CAND2: variants seen among roughly 807,000 people sequenced by gnomAD.
CAND2 encodes cullin associated and neddylation dissociated 2 (putative).
A neutral mutation model predicts 98.9 loss-of-function variants in CAND2; 62 were observed. The observed-to-expected ratio is 0.63, with a 90% CI of 0.51 to 0.77. The LOEUF (loss-of-function observed/expected upper bound fraction) is 0.77. CAND2 is among the 30% of genes least tolerant of loss of function. CAND2 has a pLI of 0.00. For missense variants in CAND2, 1,501 were observed against 1,655.2 expected (o/e 0.91, Z 1.62); for synonymous variants, 770 against 731.9 (o/e 1.05, Z -0.84).
chr3:12,813,829 G>A (rs2061874656), intron 7 of CAND2, among the ~76,000 whole-genome samples: 1 of 152,182 alleles, frequency 6.6e-6, no homozygotes, highest in Non-Finnish European at 1.5e-5. Flanking sequence ...TGGTGGAATG[G>A]CAGGCACTGG....
chr3:12,823,968 T>TAACTTC (rs58148468), intron 11 of CAND2, among the ~76,000 whole-genome samples: 1 of 151,448 alleles, frequency 6.6e-6, no homozygotes, highest in Non-Finnish European at 1.5e-5. Context: ...CCCCCATCCT[T>TAACTTC]ATTTCTTTAT....
chr3:12,815,839 G>C lies in CAND2; in HGVS notation c.1300-28G>C, dbSNP rs775598749. On this transcript the variant is annotated intron_variant, in intron 8 of 14. Coordinates refer to ENST00000456430, the MANE Select transcript of CAND2 (RefSeq NM_001162499.2). This position sits in a 1 kb window ranked among gnomAD's most constrained non-coding sequence, Gnocchi z 5.7. ...TGGGTAGGTTTCTTGGGTGTTCCCT[G>C]ACCTTGACTTCCCCCTCCTGCCCAC... 3.7e-6 allele frequency: 6 copies of C among 1,605,828 alleles called. No individual in the cohort carries two copies. The highest frequency in any genetic ancestry group is 4.3e-6 in the Non-Finnish European group (5 of 1,174,588).
At chr3:12,830,516 T>C (rs1052260490) in intron 13 of CAND2, among the ~76,000 whole-genome samples, 2 of 152,196 alleles carry the variant, frequency 1.3e-5, no homozygotes, top group Non-Finnish European at 2.9e-5. Flanking sequence ...CGAGCAAGTC[T>C]GTTTCTTCCA....
chr3:12,831,647 T>C, intron 14 of CAND2, 75 bp downstream of exon 14: 3 of 870,454 alleles, frequency 3.4e-6, no homozygotes, highest in Non-Finnish European at 5.4e-6. Flanking sequence ...CAGTTACCCT[T>C]ACTGAGCACT....
chr3:12,818,649 T>TA (rs1273197293), intron 10 of CAND2, among the ~76,000 whole-genome samples: 1 of 152,244 alleles, frequency 6.6e-6, no homozygotes, highest in Non-Finnish European at 1.5e-5. Flanking sequence ...GCTGGCCCCT[T>TA]ACAGAACCAG....
intron 12 of CAND2, among the ~76,000 whole-genome samples, chr3:12,826,702 A>G (rs1415266807): frequency 2.6e-5 from 4 of 151,690 alleles, no homozygotes; most frequent in South Asian, 2.1e-4. Context: ...ATCATGCCCA[A>G]CCTACCTGGG....
chr3:12,818,955 C>T (rs760523898), intron 10 of CAND2, among the ~76,000 whole-genome samples: 1 of 152,174 alleles, frequency 6.6e-6, no homozygotes, highest in Non-Finnish European at 1.5e-5. Context: ...ATCTCACGTG[C>T]ACTGTTGAAC....
chr3:12,822,143 C>G (rs972029957), intron 11 of CAND2, among the ~76,000 whole-genome samples: 1 of 152,030 alleles, frequency 6.6e-6, no homozygotes, highest in Non-Finnish European at 1.5e-5. Context: ...AGAACTTTTT[C>G]TTCTCTCCCA....
At chr3:12,813,470 C>G (rs2061871377) in intron 7 of CAND2, 82 bp downstream of exon 7, 1 of 1,445,170 alleles carries the variant, frequency 6.9e-7, no homozygotes, top group Non-Finnish European at 9.5e-7. Context: ...AGACAGCGGT[C>G]ACATTTGGTG....
rs1284628308 is a variant in CAND2 at position 12,815,931 on chromosome 3, G to T, written c.1364G>T (p.Gly455Val). The change falls in exon 9 of 15, where the codon GGA (glycine) becomes GTA (valine). Residue 455 changes from glycine to valine, a missense_variant. Gly to Val is a moderately radical substitution (Grantham distance 109, BLOSUM62 -3). Around this residue, in one of 3 missense-constraint regions of CAND2, gnomAD observed 1,427 missense variants for 1,545.3 expected, o/e 0.92. Transcript: ENST00000456430. This position sits in a 1 kb window ranked among gnomAD's most constrained non-coding sequence, Gnocchi z 5.7. ...GATCGGAGCGTCAGAGCCCGCCAGG[G>T]ATGCTTCAGCCTCCTCACCGAGCTG... ...LKDRSVRARQ[G>V]CFSLLTELAG... is the part of the protein sequence containing the mutation. The T allele has an allele frequency of 2.5e-6, 4 of 1,613,730 alleles. No homozygotes were observed. The highest frequency in any genetic ancestry group is 3.4e-6 in the Non-Finnish European group (4 of 1,179,986).
At position 12,817,015 on chromosome 3, in the gene CAND2, G is replaced by A. The variant is rs375532435; in HGVS notation, c.2083G>A (p.Val695Met). 4.0e-5 allele frequency: 64 copies of A among 1,612,910 alleles called. No individual in the cohort carries two copies. Among genetic ancestry groups the A allele is most frequent in the Middle Eastern group, 1.6e-4 (1 of 6,082 alleles). ...LSLPPSAVQA[V>M]LAELPALVNE... Reference sequence around the variant, plus strand: ...CCTCCCACCGTCTGCCGTGCAGGCCGTGCTGGCTGAGCTGCCTGCCCTGGT... The same window carrying A: ...CCTCCCACCGTCTGCCGTGCAGGCCATGCTGGCTGAGCTGCCTGCCCTGGT... The change falls in exon 10 of 15, where the codon GTG (valine) becomes ATG (methionine). Residue 695 changes from valine (V) to methionine (M), a missense_variant. Around this residue, in one of 3 missense-constraint regions of CAND2, gnomAD observed 1,427 missense variants for 1,545.3 expected, o/e 0.92. Transcript: ENST00000456430.
In CAND2 at chr3:12,820,116, C is replaced by T; in HGVS notation, c.2975C>T (p.Thr992Ile). Residue 992 changes from threonine (T) to isoleucine (I), a missense_variant, in exon 11 of 15, where the codon ACA becomes ATA. This residue lies in a region of CAND2 where 1,427 missense variants were observed against 1,545.3 expected (regional missense o/e 0.92). Transcript: ENST00000456430. ...GRPHTRSTVI[T>I]AVKFLISDQP... ...CCACACACCCGGAGCACCGTCATCA[C>T]AGCGGTCAAGTTCCTTATCTCGGAC... 6.2e-7 allele frequency: 1 copy of T among 1,614,198 alleles called. No individual in the cohort carries two copies. The highest frequency in any genetic ancestry group is 1.1e-5 in the South Asian group (1 of 91,084).
chr3:12,796,926 C>T (rs2061730047), intron 1 of CAND2, 138 bp downstream of exon 1: 1 of 740,274 alleles, frequency 1.4e-6, no homozygotes, highest in Non-Finnish European at 2.3e-6. Context: ...TTAAGCTGCC[C>T]CCCTCCCCAC....
chr3:12,803,722 C>T (rs1575763795), intron 2 of CAND2, 91 bp downstream of exon 2: 2 of 1,174,004 alleles, frequency 1.7e-6, no homozygotes, highest in East Asian at 5.2e-5. Context: ...TACAGCCTCG[C>T]AGAGGAGACC....
intron 4 of CAND2, 120 bp downstream of exon 4, chr3:12,808,453 C>T: frequency 8.9e-7 from 1 of 1,128,308 alleles, no homozygotes; most frequent in Non-Finnish European, 1.3e-6. Context: ...CCTTAATCAT[C>T]CCAGCAGCCT....
At chr3:12,825,386 A>T in intron 11 of CAND2, 84 bp from the exon 12 acceptor site, 1 of 1,365,388 alleles carries the variant, frequency 7.3e-7, no homozygotes, top group Non-Finnish European at 1.0e-6. Context: ...GCACGTGCAC[A>T]GTAACCAGAT....
In CAND2 at chr3:12,807,454, GC is replaced by G; in HGVS notation, c.363del (p.Thr122GlnfsTer41). 6.4e-7 allele frequency: 1 copy of G among 1,551,482 alleles called. No individual in the cohort carries two copies. The highest frequency in any genetic ancestry group is 2.4e-5 in the East Asian group (1 of 40,914). ...KTVLSELPPA[A>X]TGSGLATNVC... ...CGTCCTCTCGGAGCTCCCTCCTGCA[GC>G]CACAGGTACCCAGGTCCCCAGGACT... On this transcript the variant is annotated frameshift_variant, in exon 3 of 15. Coordinates refer to ENST00000456430, the MANE Select transcript of CAND2 (RefSeq NM_001162499.2). LOFTEE classifies it high-confidence loss of function.
In CAND2 at chr3:12,796,696, G is replaced by GC; in HGVS notation, c.-23dup. On this transcript the variant is annotated 5_prime_UTR_variant, in exon 1 of 15. Coordinates refer to ENST00000456430, the MANE Select transcript of CAND2 (RefSeq NM_001162499.2). ...CGCGCCGCCATATTCCCTCCCGCCG[G>GC]CCGGCTCCGCGGCGCGCAGCCACCA... The GC allele has an allele frequency of 3.2e-6, 5 of 1,562,358 alleles. No individual in the cohort carries two copies. The highest frequency in any genetic ancestry group is 4.3e-6 in the Non-Finnish European group (5 of 1,153,898).
intron 10 of CAND2, among the ~76,000 whole-genome samples, chr3:12,819,341 T>C (rs930089114): frequency 2.0e-5 from 3 of 152,212 alleles, no homozygotes; most frequent in Non-Finnish European, 2.9e-5. Flanking sequence ...GGAAACACCT[T>C]AGCCCATTCA....
Sources: allele counts gnomAD v4.1 joint callset (sites outside exome capture counted in the v4.1 genomes callset), GRCh38; gene constraint gnomAD v4.1.1; regional missense constraint gnomAD v4.1.1; non-coding constraint Gnocchi (gnomAD v3.1); transcripts MANE v1.5; gene names NCBI Gene and HGNC (gene_info 2026-07-23, HGNC 2026-07-21).